SYT16: variants seen among roughly 807,000 people sequenced by gnomAD.
SYT16 encodes the protein synaptotagmin-16.
A neutral mutation model predicts 61.4 loss-of-function variants in SYT16; 42 were observed. The ratio of observed to expected loss-of-function variants is 0.68; its 90% CI spans 0.53 to 0.89. SYT16 has a LOEUF of 0.89. SYT16 is among the 40% of genes least tolerant of loss of function. The pLI, the probability that SYT16 is intolerant of heterozygous loss-of-function variation, is 0.00. For synonymous variants in SYT16, 314 were observed against 302.3 expected, an observed-to-expected ratio of 1.04 and a Z score of -0.40; for missense variants, 804 against 807.3, an observed-to-expected ratio of 1.00 and a Z score of 0.05.
chr14:61,983,228 G>T (rs1212221521), intron 2 of SYT16, among the ~76,000 whole-genome samples: 1 of 152,090 alleles, frequency 6.6e-6, no homozygotes. Context: ...TAGCCTGACA[G>T]ATTAAAGTAA....
chr14:62,075,108 GA>G (rs1341554800), intron 4 of SYT16, 26 bp from the exon 5 acceptor site: 1 of 1,576,532 alleles, frequency 6.3e-7, no homozygotes, highest in Non-Finnish European at 8.6e-7. Context: ...TAATGCATTT[GA>G]AATGGTTTTC....
rs17099432 is a variant in SYT16, at chr14:62,038,149, G to A, written c.524-31454G>A. 9.9e-3 allele frequency among the ~76,000 whole-genome samples: 1,511 copies of A among 151,966 alleles called. 20 individuals carry two copies. Among genetic ancestry groups the A allele is most frequent in the African/African-American group, 0.034 (1,410 of 41,482 alleles). On this transcript the variant is annotated intron_variant, in intron 3 of 7. Transcript: ENST00000683842. Reference sequence around the variant, plus strand: ...GGGGTTTCTCCAGGGCCCACACATGGCCGGTAGTTTCGCTTGCAGGCATCT... The same window carrying A: ...GGGGTTTCTCCAGGGCCCACACATGACCGGTAGTTTCGCTTGCAGGCATCT...
intron 1 of SYT16, among the ~76,000 whole-genome samples, chr14:61,821,486 T>A (rs1377504402): frequency 2.0e-5 from 3 of 152,168 alleles, no homozygotes; most frequent in East Asian, 3.9e-4. Flanking sequence ...TCTGAAGGCT[T>A]GAGTGGGGCA....
intron 7 of SYT16, among the ~76,000 whole-genome samples, chr14:62,093,146 T>C (rs1051144233): frequency 1.1e-4 from 16 of 152,086 alleles, no homozygotes; most frequent in African/African-American, 3.6e-4. Context: ...ATTAAGTCTA[T>C]TTAAAAAATT....
At chr14:62,046,087 A>G (rs561931088) in intron 3 of SYT16, among the ~76,000 whole-genome samples, 10,652 of 152,044 alleles carry the variant, frequency 0.07, 471 homozygotes, top group East Asian at 0.12. Context: ...AAGTGTTCCT[A>G]TTTCTCCATA....
At chr14:61,934,375 A>C (rs2049896040) in intron 1 of SYT16, among the ~76,000 whole-genome samples, 1 of 152,164 alleles carries the variant, frequency 6.6e-6, no homozygotes, top group Non-Finnish European at 1.5e-5. Context: ...TTTGTTGTTA[A>C]AGTGGTGATT....
intron 7 of SYT16, among the ~76,000 whole-genome samples, chr14:62,087,497 A>T (rs922428520): frequency 1.3e-5 from 2 of 152,220 alleles, no homozygotes; most frequent in African/African-American, 4.8e-5. Context: ...GGTCATGATC[A>T]CATAAAGAAT....
intron 7 of SYT16, among the ~76,000 whole-genome samples, chr14:62,097,355 C>T (rs940865075): frequency 6.6e-6 from 1 of 152,130 alleles, no homozygotes; most frequent in Non-Finnish European, 1.5e-5. Context: ...AAATATTGCT[C>T]AGCATTGTTT....
chr14:61,909,313 A>G (rs972310734), intron 1 of SYT16, among the ~76,000 whole-genome samples: 6 of 152,204 alleles, frequency 3.9e-5, no homozygotes, highest in African/African-American at 4.8e-5. Flanking sequence ...AATTACCACA[A>G]ACTTGGTGGT....
intron 3 of SYT16, among the ~76,000 whole-genome samples, chr14:62,034,795 A>T (rs1226611745): frequency 6.6e-6 from 1 of 152,080 alleles, no homozygotes; most frequent in East Asian, 1.9e-4. Context: ...ATTGATTGTG[A>T]TGGTTGCATA....
chr14:61,836,823 T>C (rs532892105), intron 1 of SYT16, among the ~76,000 whole-genome samples: 99 of 152,340 alleles, frequency 6.5e-4, no homozygotes, highest in African/African-American at 2.3e-3. Flanking sequence ...ATTTCTTTCA[T>C]TGAATTTCTA....
At chr14:61,972,571 G>A (rs114115659) in intron 2 of SYT16, among the ~76,000 whole-genome samples, 99 of 152,262 alleles carry the variant, frequency 6.5e-4, no homozygotes, top group African/African-American at 2.3e-3. Flanking sequence ...CCTTCACTTT[G>A]ACATTTCTCC....
At chr14:62,080,319 A>G (rs1439495017) in intron 5 of SYT16, among the ~76,000 whole-genome samples, 2 of 152,234 alleles carry the variant, frequency 1.3e-5, no homozygotes, top group Admixed American at 6.5e-5. Flanking sequence ...TGAGAAGCTC[A>G]GCCCTAAACC....
intron 3 of SYT16, among the ~76,000 whole-genome samples, chr14:62,050,183 T>C (rs1229318604): frequency 6.6e-6 from 1 of 152,228 alleles, no homozygotes; most frequent in Non-Finnish European, 1.5e-5. Context: ...TTTTATTCTT[T>C]TTTCTCTAAA....
At chr14:61,978,131 G>T (rs2051898502) in intron 2 of SYT16, among the ~76,000 whole-genome samples, 1 of 152,096 alleles carries the variant, frequency 6.6e-6, no homozygotes, top group Non-Finnish European at 1.5e-5. Flanking sequence ...GATTACATCT[G>T]CAATGAAAGA....
At chr14:61,965,730 T>G (rs1250242161) in intron 1 of SYT16, among the ~76,000 whole-genome samples, 1 of 152,080 alleles carries the variant, frequency 6.6e-6, no homozygotes, top group Non-Finnish European at 1.5e-5. Flanking sequence ...AAATGAAAGT[T>G]TGTAGCTGAA....
intron 3 of SYT16, among the ~76,000 whole-genome samples, chr14:62,028,206 G>A (rs780295671): frequency 6.6e-6 from 1 of 152,098 alleles, no homozygotes; most frequent in Non-Finnish European, 1.5e-5. Flanking sequence ...GTCTTGCAAT[G>A]GTTTGATTAG....
At chr14:61,825,883 G>C (rs945407968) in intron 1 of SYT16, among the ~76,000 whole-genome samples, 3 of 152,104 alleles carry the variant, frequency 2.0e-5, no homozygotes, top group African/African-American at 7.2e-5. Flanking sequence ...AGTAATAGTG[G>C]CTTATAGTGT....
At chr14:61,944,584 TACATC>T (rs1363295117) in intron 1 of SYT16, among the ~76,000 whole-genome samples, 10 of 152,102 alleles carry the variant, frequency 6.6e-5, no homozygotes, top group Admixed American at 4.6e-4. Flanking sequence ...ATACCACACA[TACATC>T]TACAACCATG....
Sources: allele counts gnomAD v4.1 joint callset (sites outside exome capture counted in the v4.1 genomes callset), GRCh38; gene constraint gnomAD v4.1.1; transcripts MANE v1.5; gene names NCBI Gene and HGNC (gene_info 2026-07-23, HGNC 2026-07-21).